THSD7B: variants seen among roughly 807,000 people sequenced by gnomAD.
The protein encoded by THSD7B is thrombospondin type 1 domain containing 7B, also known as thrombospondin type-1 domain-containing protein 7B.
A neutral mutation model predicts 213.6 loss-of-function variants in THSD7B; 138 were observed. The ratio of observed to expected loss-of-function variants is 0.65; its 90% CI spans 0.56 to 0.74. The LOEUF (loss-of-function observed/expected upper bound fraction) is 0.74, where lower values mean the gene tolerates loss of function less well. THSD7B is among the 30% of genes least tolerant of loss of function. The probability of loss-of-function intolerance (pLI) is 0.00; values close to 1 mark genes in which losing one functional copy is unlikely to be tolerated. For missense variants in THSD7B, 1,931 were observed against 1,991.5 expected (o/e 0.97, Z 0.58); for synonymous variants, 742 against 687.0 (o/e 1.08, Z -1.25).
intron 7 of THSD7B, among the ~76,000 whole-genome samples, chr2:137,225,371 G>A (rs1240944274): frequency 1.3e-5 from 2 of 152,232 alleles, no homozygotes; most frequent in Non-Finnish European, 2.9e-5. Flanking sequence ...ATTTACTGAT[G>A]AGCTGACAAT....
At chr2:137,535,717 A>T (rs1680492119) in intron 15 of THSD7B, among the ~76,000 whole-genome samples, 1 of 151,790 alleles carries the variant, frequency 6.6e-6, no homozygotes, top group African/African-American at 2.4e-5. Flanking sequence ...GCAAAGAAGT[A>T]AAAATACAGA....
chr2:136,817,444 A>G (rs1682492939), intron 1 of THSD7B, among the ~76,000 whole-genome samples: 1 of 151,530 alleles, frequency 6.6e-6, no homozygotes, highest in Non-Finnish European at 1.5e-5. Flanking sequence ...GCCCATGCCT[A>G]TGTCCTGAAT....
intron 12 of THSD7B, among the ~76,000 whole-genome samples, chr2:137,399,112 A>T (rs1404353018): frequency 6.6e-6 from 1 of 151,430 alleles, no homozygotes; most frequent in Non-Finnish European, 1.5e-5. Flanking sequence ...GAAATGCAGA[A>T]ATCACCTGTC....
At chr2:137,529,056 T>C (rs1183748312) in intron 15 of THSD7B, among the ~76,000 whole-genome samples, 1 of 152,118 alleles carries the variant, frequency 6.6e-6, no homozygotes, top group Non-Finnish European at 1.5e-5. Flanking sequence ...AAACTACTAC[T>C]TATGGCTAGT....
chr2:136,848,435 C>G (rs180757731), intron 1 of THSD7B, among the ~76,000 whole-genome samples: 3 of 151,796 alleles, frequency 2.0e-5, no homozygotes, highest in Admixed American at 2.0e-4. Context: ...CACATTCTGA[C>G]AGCCAGTGAT....
chr2:136,955,440 A>G (rs977720301), intron 2 of THSD7B, among the ~76,000 whole-genome samples: 4 of 152,160 alleles, frequency 2.6e-5, no homozygotes, highest in Non-Finnish European at 2.9e-5. Context: ...GATTCTTTCT[A>G]TGTGTTAATA....
At chr2:137,487,231 A>G (rs1167175120) in intron 15 of THSD7B, among the ~76,000 whole-genome samples, 1 of 147,704 alleles carries the variant, frequency 6.8e-6, no homozygotes, top group Non-Finnish European at 1.5e-5. Context: ...AGCCGGGCGC[A>G]GTGGCGGGCG....
intron 10 of THSD7B, 100 bp downstream of exon 10, chr2:137,242,672 T>G: frequency 1.2e-6 from 1 of 817,754 alleles, no homozygotes; most frequent in South Asian, 1.8e-5. Flanking sequence ...CCTTTTTTTT[T>G]TTTCATTTGC....
At chr2:136,860,082 A>C (rs1683236611) in intron 1 of THSD7B, among the ~76,000 whole-genome samples, 1 of 136,312 alleles carries the variant, frequency 7.3e-6, no homozygotes, top group Admixed American at 8.3e-5. Context: ...CAGCGGCGTG[A>C]TCTCGGCGCA....
At chr2:137,105,323 T>C (rs953508974) in intron 4 of THSD7B, among the ~76,000 whole-genome samples, 2 of 152,110 alleles carry the variant, frequency 1.3e-5, no homozygotes, top group African/African-American at 2.4e-5. Context: ...ATTATCTAGA[T>C]AGACGCAGAA....
chr2:136,992,552 T>A (rs1685805740), intron 2 of THSD7B, among the ~76,000 whole-genome samples: 1 of 152,158 alleles, frequency 6.6e-6, no homozygotes, highest in African/African-American at 2.4e-5. Flanking sequence ...AACGGAGAAC[T>A]ATTAAGGCAG....
intron 12 of THSD7B, among the ~76,000 whole-genome samples, chr2:137,352,702 C>A (rs1483988526): frequency 6.6e-6 from 1 of 151,888 alleles, no homozygotes; most frequent in African/African-American, 2.4e-5. Context: ...TAATTATGGA[C>A]CACGTGTCAG....
At chr2:137,224,395 C>T (rs958352997) in intron 7 of THSD7B, among the ~76,000 whole-genome samples, 5 of 152,256 alleles carry the variant, frequency 3.3e-5, no homozygotes, top group Middle Eastern at 3.4e-3. Flanking sequence ...AATTCAAGCT[C>T]CACGATTTAC....
At chr2:137,622,284 T>C (rs909831131) in intron 20 of THSD7B, among the ~76,000 whole-genome samples, 3 of 152,180 alleles carry the variant, frequency 2.0e-5, no homozygotes, top group Non-Finnish European at 4.4e-5. Flanking sequence ...CAGTAACAAC[T>C]TAGAAGCCCA....
intron 2 of THSD7B, among the ~76,000 whole-genome samples, chr2:136,982,164 G>C (rs1685586799): frequency 6.6e-6 from 1 of 152,104 alleles, no homozygotes; most frequent in East Asian, 1.9e-4. Flanking sequence ...GCCTCCCAAA[G>C]TGCTGGGATT....
chr2:137,628,597 C>T (rs531955972), intron 20 of THSD7B, among the ~76,000 whole-genome samples: 85 of 152,220 alleles, frequency 5.6e-4, no homozygotes, highest in East Asian at 1.9e-4. Context: ...CAGTTGGTTG[C>T]GCCTCTGTCC....
chr2:137,587,399 G>A (rs926829290), intron 17 of THSD7B, among the ~76,000 whole-genome samples: 1 of 152,146 alleles, frequency 6.6e-6, no homozygotes, highest in Non-Finnish European at 1.5e-5. Context: ...TCCTTTGGAG[G>A]GGGAGAGGCA....
rs569050063 is a variant in THSD7B, at chr2:137,554,902, C to T, written c.3139-8319C>T. 7.2e-5 allele frequency among the ~76,000 whole-genome samples: 11 copies of T among 152,248 alleles called. No individual in the cohort carries two copies. In the South Asian group the frequency reaches 8.3e-4, roughly 11 times the overall value. On this transcript the variant is annotated intron_variant, in intron 15 of 27. Coordinates refer to ENST00000409968, the MANE Select transcript of THSD7B (RefSeq NM_001316349.2). ...GTAAACAGCACACCAAATTATGTCC[C>T]GACCCAGGCTCGGAGGGTCCCATGC...
intron 12 of THSD7B, among the ~76,000 whole-genome samples, chr2:137,285,307 A>G (rs1015337011): frequency 2.6e-5 from 4 of 152,026 alleles, no homozygotes; most frequent in Non-Finnish European, 4.4e-5. Context: ...TGCACGTAAG[A>G]TGGGTTTCCT....
Sources: allele counts gnomAD v4.1 joint callset (sites outside exome capture counted in the v4.1 genomes callset), GRCh38; gene constraint gnomAD v4.1.1; transcripts MANE v1.5; gene names NCBI Gene and HGNC (gene_info 2026-07-23, HGNC 2026-07-21).